The following ZNF609 variants were observed in gnomAD, a reference collection of about 807,000 sequenced individuals.
ZNF609 encodes the protein zinc finger protein 609.
Under a neutral mutation model 109.5 loss-of-function variants are expected in ZNF609, and 11 were observed. That is an observed-to-expected ratio of 0.10 (90% CI 0.06 to 0.17). The LOEUF is 0.17. Ranked by LOEUF, ZNF609 falls within the 10% of genes least tolerant of loss-of-function variation. The pLI, the probability that ZNF609 is intolerant of heterozygous loss-of-function variation, is 1.00. For missense variants in ZNF609, 1,559 were observed against 1,772.4 expected (o/e 0.88, Z 2.16); for synonymous variants, 646 against 662.0 (o/e 0.98, Z 0.37).
intron 3 of ZNF609, among the ~76,000 whole-genome samples, chr15:64,650,358 A>C (rs1038586950): frequency 6.7e-6 from 1 of 150,328 alleles, no homozygotes; most frequent in Admixed American, 6.7e-5. Context: ...TGGAGGTTGC[A>C]GTGAGCCAAG....
chr15:64,613,154 C>G (rs1052739156), intron 2 of ZNF609, among the ~76,000 whole-genome samples: 1 of 152,050 alleles, frequency 6.6e-6, no homozygotes, highest in Non-Finnish European at 1.5e-5. Flanking sequence ...AACCTTGTCT[C>G]TACAAAAAAT....
At chr15:64,502,182 GT>G (rs1893571554) in intron 2 of ZNF609, 1 of 152,230 alleles carries the variant, frequency 6.6e-6, no homozygotes, top group Admixed American at 6.5e-5. Context: ...TTGCTATACA[GT>G]TTCATGTAAC....
intron 2 of ZNF609, among the ~76,000 whole-genome samples, chr15:64,592,825 A>G (rs1350120923): frequency 6.6e-6 from 1 of 151,004 alleles, no homozygotes; most frequent in East Asian, 1.9e-4. Context: ...AGGCAGGAGA[A>G]TTGCTTGAAT....
chr15:64,612,343 G>A (rs1895730944), intron 2 of ZNF609, among the ~76,000 whole-genome samples: 1 of 151,302 alleles, frequency 6.6e-6, no homozygotes, highest in Non-Finnish European at 1.5e-5. Flanking sequence ...TGGAGATGGG[G>A]TTTCACTGAG....
At chr15:64,622,085 T>A (rs4777488) in intron 2 of ZNF609, among the ~76,000 whole-genome samples, 16 of 152,024 alleles carry the variant, frequency 1.1e-4, no homozygotes, top group African/African-American at 3.9e-4. Context: ...CTGCTGTTGA[T>A]TGGCTTCTGG....
chr15:64,556,185 A>T (rs1411131267), intron 2 of ZNF609, among the ~76,000 whole-genome samples: 1 of 151,632 alleles, frequency 6.6e-6, no homozygotes, highest in Non-Finnish European at 1.5e-5. Flanking sequence ...TTGTAGAGAA[A>T]ATGTCTTGCT....
intron 1 of ZNF609, among the ~76,000 whole-genome samples, chr15:64,480,316 C>T (rs1177392033): frequency 6.6e-6 from 1 of 152,010 alleles, no homozygotes; most frequent in African/African-American, 2.4e-5. Flanking sequence ...GGTGGATCAC[C>T]TGAGGTCAGG....
rs371108631 is a variant in ZNF609 at position 64,604,210 on chromosome 15, A to C, written c.748-18617A>C. On this transcript the variant is annotated intron_variant, in intron 2 of 9. Coordinates refer to ENST00000326648, the MANE Select transcript of ZNF609 (RefSeq NM_015042.2). Reference sequence around the variant, plus strand: ...TAGTATAGTATAATGGTTACACCATAGTAAGTATTTAATGTCGCTGAAAGG... The same window carrying C: ...TAGTATAGTATAATGGTTACACCATCGTAAGTATTTAATGTCGCTGAAAGG... 1.4e-4 allele frequency among the ~76,000 whole-genome samples: 22 copies of C among 152,320 alleles called. No individual in the cohort carries two copies. The South Asian group carries it at 3.5e-3, about 24-fold the overall frequency.
Position 64,553,386 on chromosome 15 carries a change from T to C in ZNF609, c.747+53220T>C, listed in dbSNP as rs143719893. Among the ~76,000 whole-genome samples, 13 of 152,028 alleles carry C rather than the reference T, an allele frequency of 8.6e-5. No individual in the cohort carries two copies. The East Asian group carries it at 2.5e-3, about 29-fold the overall frequency. On this transcript the variant is annotated intron_variant, in intron 2 of 9. Coordinates refer to ENST00000326648, the MANE Select transcript of ZNF609 (RefSeq NM_015042.2). The stretch of plus-strand genomic sequence containing the variant: ...CCCTCCAATCTATGAACACAGGTTA[T>C]CTCTCTTTCATTTTAGGTCTTTAAG...
chr15:64,648,812 A>T (rs1489196214), intron 3 of ZNF609, among the ~76,000 whole-genome samples: 2 of 151,998 alleles, frequency 1.3e-5, no homozygotes, highest in African/African-American at 4.8e-5. Flanking sequence ...ATCTGGGACT[A>T]AGCATCCTTT....
chr15:64,619,614 T>G (rs1895848890), intron 2 of ZNF609, among the ~76,000 whole-genome samples: 1 of 152,214 alleles, frequency 6.6e-6, no homozygotes, highest in Non-Finnish European at 1.5e-5. Context: ...GAACATCTCT[T>G]TTAATTAACT....
chr15:64,466,098 A>G (rs1893009930), intron 1 of ZNF609, among the ~76,000 whole-genome samples: 2 of 143,114 alleles, frequency 1.4e-5, no homozygotes, highest in African/African-American at 2.5e-5. Flanking sequence ...CCTGGTCAAC[A>G]AGAATGAAAC....
chr15:64,463,622 T>C (rs1892973838), intron 1 of ZNF609, among the ~76,000 whole-genome samples: 2 of 152,214 alleles, frequency 1.3e-5, no homozygotes, highest in Non-Finnish European at 2.9e-5. Context: ...AATTAGTCTG[T>C]CTATGGTGCC....
intron 9 of ZNF609, 64 bp from the exon 10 acceptor site, chr15:64,681,628 C>T (rs913713105): frequency 2.0e-5 from 8 of 390,318 alleles, no homozygotes; most frequent in African/African-American, 1.4e-4. Context: ...TCTTGGAGTG[C>T]CACCTTGTGG....
chr15:64,672,929 G>A (rs1054232958), intron 4 of ZNF609, among the ~76,000 whole-genome samples: 5 of 142,556 alleles, frequency 3.5e-5, no homozygotes, highest in Non-Finnish European at 7.5e-5. Context: ...GTGCCACTGC[G>A]CTCCAGCCTG....
At chr15:64,614,490 C>T (rs1018280854) in intron 2 of ZNF609, among the ~76,000 whole-genome samples, 5 of 152,122 alleles carry the variant, frequency 3.3e-5, no homozygotes, top group African/African-American at 1.2e-4. Flanking sequence ...GCCTCGGCCT[C>T]CCAAAGTGCT....
At chr15:64,548,622 C>T (rs1894406329) in intron 2 of ZNF609, among the ~76,000 whole-genome samples, 1 of 152,102 alleles carries the variant, frequency 6.6e-6, no homozygotes, top group Admixed American at 6.6e-5. Context: ...ACAAAAATTA[C>T]TTGGGCATAG....
intron 2 of ZNF609, among the ~76,000 whole-genome samples, chr15:64,522,606 A>T (rs950863883): frequency 2.6e-5 from 4 of 152,126 alleles, no homozygotes; most frequent in African/African-American, 7.2e-5. Context: ...TGTTTTTTTT[A>T]AACTGATGGT....
chr15:64,482,549 T>G (rs1893270923), intron 1 of ZNF609, among the ~76,000 whole-genome samples: 1 of 152,188 alleles, frequency 6.6e-6, no homozygotes, highest in South Asian at 2.1e-4. Context: ...GGAACTGGTG[T>G]AGATTTCAGA....
Sources: gnomAD v4.1 joint callset for allele counts (sites outside exome capture counted in the v4.1 genomes callset) on GRCh38, gnomAD v4.1.1 for gene constraint, MANE v1.5 for transcripts, NCBI Gene and HGNC (gene_info 2026-07-23, HGNC 2026-07-21) for gene names.